The following SND1 variants were observed in gnomAD, a reference collection of about 807,000 sequenced individuals.
SND1 encodes staphylococcal nuclease domain-containing protein 1.
A neutral mutation model predicts 121.7 loss-of-function variants in SND1; 38 were observed. The observed-to-expected ratio is 0.31, with a 90% CI of 0.24 to 0.41. The LOEUF is 0.41. Among genes scored for constraint, SND1 ranks in the 10% least tolerant of loss-of-function variants. SND1 has a pLI of 1.00. For missense variants in SND1, 868 were observed against 1,184.6 expected (o/e 0.73, Z 3.92); for synonymous variants, 401 against 447.4 (o/e 0.90, Z 1.31).
At chr7:127,832,207 A>C (rs908564048) in intron 11 of SND1, among the ~76,000 whole-genome samples, 3 of 152,242 alleles carry the variant, frequency 2.0e-5, no homozygotes, top group African/African-American at 7.2e-5. Flanking sequence ...ATTTGTGTTA[A>C]ACTACTATGA....
intron 15 of SND1, among the ~76,000 whole-genome samples, chr7:127,975,367 G>A (rs1802091182): frequency 6.7e-6 from 1 of 149,486 alleles, no homozygotes; most frequent in South Asian, 2.1e-4. Flanking sequence ...GTGTGTATGT[G>A]AGAGATTGAC....
intron 1 of SND1, among the ~76,000 whole-genome samples, chr7:127,674,331 A>C (rs1291906055): frequency 6.6e-6 from 1 of 152,094 alleles, no homozygotes. Flanking sequence ...GTATCTCTCT[A>C]TTTTTATATT....
intron 16 of SND1, chr7:128,028,519 A>G: frequency 1.6e-6 from 1 of 643,254 alleles, no homozygotes. Flanking sequence ...TTTTGTTTTG[A>G]CTTTTTGTCT....
At chr7:127,715,567 C>T (rs1464588280) in intron 9 of SND1, among the ~76,000 whole-genome samples, 2 of 151,998 alleles carry the variant, frequency 1.3e-5, no homozygotes, top group Admixed American at 1.3e-4. Flanking sequence ...AGCCTCTTTG[C>T]CTGTTTTTTA....
At position 128,086,977 on chromosome 7, in the gene SND1, C is replaced by T; in HGVS notation, c.2344C>T (p.Pro782Ser). The T allele has an allele frequency of 6.2e-7, 1 of 1,614,240 alleles. No homozygotes were observed. Among genetic ancestry groups the T allele is most frequent in the Non-Finnish European group, 8.5e-7 (1 of 1,180,046 alleles). ...LPSTRLGTLS[P>S]AFSTRVLPAQ... ...ATCCACCCGCCTGGGTACCCTATCA[C>T]CTGCCTTCAGCACTCGGGTGCTGCC... The change falls in exon 21 of 24, where the codon CCT (proline) becomes TCT (serine). Residue 782 changes from proline to serine, a missense_variant. By Grantham distance (74) the Pro-to-Ser change is moderately conservative. Transcript: ENST00000354725.
At chr7:128,087,202 C>T (rs1363223087) in intron 21 of SND1, 151 bp downstream of exon 21, 3 of 649,004 alleles carry the variant, frequency 4.6e-6, no homozygotes, top group Admixed American at 2.9e-5. Context: ...AAGATGCCAC[C>T]GAGGAGGTAG....
chr7:128,019,271 G>T (rs1388239361), intron 16 of SND1, among the ~76,000 whole-genome samples: 1 of 152,224 alleles, frequency 6.6e-6, no homozygotes, highest in Non-Finnish European at 1.5e-5. Flanking sequence ...TACCAAGCCT[G>T]CTAGGGAAGA....
intron 10 of SND1, among the ~76,000 whole-genome samples, chr7:127,779,594 A>G (rs1797681040): frequency 6.6e-6 from 1 of 152,190 alleles, no homozygotes; most frequent in Non-Finnish European, 1.5e-5. Flanking sequence ...GGCCTTTGGA[A>G]ATGTGTAGAG....
At chr7:127,919,359 A>G (rs1800651898) in intron 14 of SND1, among the ~76,000 whole-genome samples, 1 of 152,146 alleles carries the variant, frequency 6.6e-6, no homozygotes, top group Non-Finnish European at 1.5e-5. Flanking sequence ...TGATTTGCCC[A>G]TGAAATGAAG....
At chr7:127,910,100 T>C (rs894891430) in intron 14 of SND1, among the ~76,000 whole-genome samples, 4 of 152,132 alleles carry the variant, frequency 2.6e-5, no homozygotes, top group Admixed American at 2.0e-4. Context: ...TATTTAGGCC[T>C]TGATGGAAGC....
chr7:127,858,257 G>A, intron 12 of SND1: 3 of 781,448 alleles, frequency 3.8e-6, no homozygotes, highest in African/African-American at 1.7e-5. Context: ...CATCTGGTCG[G>A]CCAATTCGGA....
intron 15 of SND1, among the ~76,000 whole-genome samples, chr7:127,949,398 G>C (rs891630485): frequency 6.6e-6 from 1 of 152,198 alleles, no homozygotes; most frequent in African/African-American, 2.4e-5. Context: ...GTTTAAAAGA[G>C]CTGGATTTTT....
chr7:127,754,073 T>C (rs773966270), intron 10 of SND1, among the ~76,000 whole-genome samples: 77 of 152,146 alleles, frequency 5.1e-4, no homozygotes, highest in Admixed American at 5.9e-4. Flanking sequence ...GATAGCAAAA[T>C]AGGAAGCAGA....
Position 128,089,518 on chromosome 7 carries a change from C to G in SND1, c.2448C>G (p.Ser816Arg). 4 of 1,614,104 alleles carry G rather than the reference C, an allele frequency of 2.5e-6. No homozygotes were observed. Among genetic ancestry groups the G allele is most frequent in the Non-Finnish European group, 3.4e-6 (4 of 1,179,956 alleles). The change falls in exon 22 of 24, where the codon AGC becomes AGG. Residue 816 changes from serine (S) to arginine (R), a missense_variant. Transcript: ENST00000354725. ...ATGCCCGCACGGACGCCGTGGACAG[C>G]GTAGTTCGGGATATCCAGAACACTC... ...DDDARTDAVDSVVRDIQNTQC... is the reference protein window; with the variant it reads ...DDDARTDAVDRVVRDIQNTQC...
At chr7:127,813,969 TC>T (rs1009950191) in intron 11 of SND1, among the ~76,000 whole-genome samples, 3 of 152,224 alleles carry the variant, frequency 2.0e-5, no homozygotes, top group African/African-American at 7.2e-5. Flanking sequence ...GGAAATTTCT[TC>T]CGTATGCTCA....
intron 14 of SND1, among the ~76,000 whole-genome samples, chr7:127,917,008 T>C (rs1444475288): frequency 2.6e-5 from 4 of 152,358 alleles, no homozygotes; most frequent in South Asian, 4.1e-4. Context: ...TGTGCACTGA[T>C]GGAGAAAGAA....
intron 11 of SND1, among the ~76,000 whole-genome samples, chr7:127,838,797 C>T (rs147552431): frequency 2.0e-5 from 3 of 152,232 alleles, no homozygotes; most frequent in African/African-American, 4.8e-5. Flanking sequence ...CTGATTTATG[C>T]ATGTATGTAT....
chr7:127,934,220 C>T (rs1483190744), intron 15 of SND1, among the ~76,000 whole-genome samples: 2 of 152,032 alleles, frequency 1.3e-5, no homozygotes, highest in African/African-American at 2.4e-5. Context: ...GAGACAGCAG[C>T]GTGTGCAGAG....
In SND1 at chr7:127,677,294, T is replaced by A. The variant is rs117855069; in HGVS notation, c.79-9319T>A. On this transcript the variant is annotated intron_variant, in intron 1 of 23. Coordinates refer to ENST00000354725, the MANE Select transcript of SND1 (RefSeq NM_014390.4). ...TCATAACAACTTATATATATTCTTA[T>A]GTATTTATTTTATAAATGATGAAAT... 6.2e-3 allele frequency among the ~76,000 whole-genome samples: 941 copies of A among 152,368 alleles called. 4 individuals are homozygous for A. The highest frequency in any genetic ancestry group is 0.01 in the Non-Finnish European group (698 of 68,036).
Sources: allele counts gnomAD v4.1 joint callset (sites outside exome capture counted in the v4.1 genomes callset), GRCh38; gene constraint gnomAD v4.1.1; transcripts MANE v1.5; gene names NCBI Gene and HGNC (gene_info 2026-07-23, HGNC 2026-07-21).